VPS13D: variants seen among roughly 807,000 people sequenced by gnomAD.
The protein encoded by VPS13D is intermembrane lipid transfer protein VPS13D.
VPS13D carries 187 observed loss-of-function variants against 461.9 expected under a neutral mutation model. The ratio of observed to expected loss-of-function variants is 0.40; its 90% CI spans 0.36 to 0.46. The LOEUF (loss-of-function observed/expected upper bound fraction) is 0.46, where lower values mean the gene tolerates loss of function less well. Ranked by LOEUF, VPS13D falls within the 20% of genes least tolerant of loss-of-function variation. VPS13D has a pLI of 0.60. For missense variants in VPS13D, 4,711 were observed against 5,364.9 expected, an observed-to-expected ratio of 0.88 and a Z score of 3.81; for synonymous variants, 1,951 against 1,986.3, an observed-to-expected ratio of 0.98 and a Z score of 0.47.
intron 5 of VPS13D, among the ~76,000 whole-genome samples, chr1:12,245,180 A>T (rs78140849): frequency 6.6e-6 from 1 of 152,178 alleles, no homozygotes; most frequent in Non-Finnish European, 1.5e-5. Flanking sequence ...TACTTCAATT[A>T]TACTTTTGTT....
At chr1:12,345,916 C>G (rs1016301720) in intron 43 of VPS13D, among the ~76,000 whole-genome samples, 1 of 152,220 alleles carries the variant, frequency 6.6e-6, no homozygotes, top group African/African-American at 2.4e-5. Context: ...CTCTGTGGCA[C>G]AAAGAGAGAT....
chr1:12,468,880 A>C (rs1436004554), intron 67 of VPS13D, among the ~76,000 whole-genome samples: 1 of 152,080 alleles, frequency 6.6e-6, no homozygotes, highest in Non-Finnish European at 1.5e-5. Flanking sequence ...AAAAATATAC[A>C]AAAATTACCC....
chr1:12,486,798 G>C (rs79155102), intron 67 of VPS13D, among the ~76,000 whole-genome samples: 7 of 152,116 alleles, frequency 4.6e-5, no homozygotes, highest in South Asian at 2.1e-4. Context: ...AGCACGTCTG[G>C]CTCCCCTGCA....
chr1:12,487,240 C>G (rs1396522978), intron 67 of VPS13D, among the ~76,000 whole-genome samples: 2 of 152,200 alleles, frequency 1.3e-5, no homozygotes, highest in Non-Finnish European at 2.9e-5. Flanking sequence ...CCTCCTCACC[C>G]TCCTCCATAG....
At chr1:12,296,161 T>C (rs545553370) in intron 24 of VPS13D, among the ~76,000 whole-genome samples, 2 of 152,348 alleles carry the variant, frequency 1.3e-5, no homozygotes, top group African/African-American at 2.4e-5. Context: ...CTTGAGACTT[T>C]CTCTGATCTC....
chr1:12,283,238 A>G lies in VPS13D; in HGVS notation c.5136A>G (p.Ser1712=). 7 of 1,614,172 alleles carry G rather than the reference A, an allele frequency of 4.3e-6. No homozygotes were observed. The highest frequency in any genetic ancestry group is 5.9e-6 in the Non-Finnish European group (7 of 1,180,024). Residue 1712 remains serine (S), a synonymous_variant, in exon 21 of 70, where the codon TCA becomes TCG. Transcript: ENST00000620676. ...AATACCTTTCTCAGTCTTGCCCCTCAGTGTCCAATGTGGAATATCCTGATA... is the reference window on the plus strand; with the variant it reads ...AATACCTTTCTCAGTCTTGCCCCTCGGTGTCCAATGTGGAATATCCTGATA... The part of the protein sequence containing the change: ...QKEYLSQSCP[S]VSNVEYPDMP...
chr1:12,497,485 C>A lies in VPS13D; in HGVS notation c.12663-15C>A. On this transcript the variant is annotated splice_polypyrimidine_tract_variant and intron_variant, in intron 67 of 69. Transcript: ENST00000620676. ...ACACTTAACCTCTTGGCTTTATGTCCATTTACCCATCTAGGACTCAAGCAC... is the reference window on the plus strand; with the variant it reads ...ACACTTAACCTCTTGGCTTTATGTCAATTTACCCATCTAGGACTCAAGCAC... 1.2e-6 allele frequency: 2 copies of A among 1,606,272 alleles called. No homozygotes were observed. Among genetic ancestry groups the A allele is most frequent in the South Asian group, 2.2e-5 (2 of 90,034 alleles).
At chr1:12,248,131 C>T (rs993452067) in intron 5 of VPS13D, among the ~76,000 whole-genome samples, 6 of 151,908 alleles carry the variant, frequency 3.9e-5, no homozygotes, top group Non-Finnish European at 7.4e-5. Context: ...TCAGGTGATC[C>T]GACTGCCTCG....
At chr1:12,459,893 G>C (rs1353866353) in intron 66 of VPS13D, among the ~76,000 whole-genome samples, 2 of 151,104 alleles carry the variant, frequency 1.3e-5, no homozygotes, top group East Asian at 3.9e-4. Flanking sequence ...TCCGTAGGCT[G>C]CCCAAGCTCT....
chr1:12,499,166 C>T (rs1646001765), intron 68 of VPS13D, among the ~76,000 whole-genome samples: 1 of 152,034 alleles, frequency 6.6e-6, no homozygotes, highest in Non-Finnish European at 1.5e-5. Flanking sequence ...TTTCTCAGGT[C>T]TGGCAGGATG....
intron 10 of VPS13D, among the ~76,000 whole-genome samples, chr1:12,259,394 C>T (rs1401135679): frequency 6.6e-6 from 1 of 151,448 alleles, no homozygotes; most frequent in Non-Finnish European, 1.5e-5. Flanking sequence ...TGGCTCACTG[C>T]AACCTCTGCC....
At chr1:12,241,857 C>G (rs760407950) in intron 2 of VPS13D, among the ~76,000 whole-genome samples, 1 of 152,008 alleles carries the variant, frequency 6.6e-6, no homozygotes, top group Non-Finnish European at 1.5e-5. Flanking sequence ...GTGGAAGGAA[C>G]TTGTTAGAAA....
At chr1:12,238,241 T>A (rs909681585) in intron 2 of VPS13D, among the ~76,000 whole-genome samples, 6 of 99,828 alleles carry the variant, frequency 6.0e-5, no homozygotes, top group Non-Finnish European at 9.2e-5. Flanking sequence ...CCCCAAAAAA[T>A]ATATATATAT....
intron 35 of VPS13D, among the ~76,000 whole-genome samples, chr1:12,326,029 C>T (rs1248784355): frequency 2.0e-4 from 27 of 138,368 alleles, no homozygotes; most frequent in African/African-American, 6.8e-4. Flanking sequence ...GCTCTTGAAT[C>T]GACAAATCTT....
chr1:12,506,573 T>C (rs1374347463), intron 68 of VPS13D, among the ~76,000 whole-genome samples: 1 of 152,264 alleles, frequency 6.6e-6, no homozygotes. Flanking sequence ...CAGTGAACTT[T>C]CTCAGCTGCT....
intron 2 of VPS13D, among the ~76,000 whole-genome samples, chr1:12,241,370 G>C (rs965175111): frequency 3.3e-5 from 5 of 152,206 alleles, no homozygotes; most frequent in Admixed American, 2.0e-4. Context: ...ACTAATTAAT[G>C]GTTGTTGTCT....
At chr1:12,413,429 C>A (rs1220123436) in intron 63 of VPS13D, among the ~76,000 whole-genome samples, 1 of 152,036 alleles carries the variant, frequency 6.6e-6, no homozygotes, top group East Asian at 1.9e-4. Context: ...GCCAAGATCC[C>A]GCCACTGTAC....
At position 12,322,599 on chromosome 1, in the gene VPS13D, G is replaced by A; in HGVS notation, c.7768G>A (p.Ala2590Thr). The A allele has an allele frequency of 6.2e-7, 1 of 1,614,176 alleles. No homozygotes were observed. Among genetic ancestry groups the A allele is most frequent in the Non-Finnish European group, 8.5e-7 (1 of 1,180,036 alleles). ...YNDVQLFLAIAKSIPEQANAA... is the reference protein window; with the variant it reads ...YNDVQLFLAITKSIPEQANAA... ...TGATGTTCAGCTGTTTCTTGCCATT[G>A]CAAAATCCATCCCAGAGCAAGCTAA... Residue 2590 changes from alanine to threonine, a missense_variant, in exon 34 of 70, where the codon GCA becomes ACA. By Grantham distance (58) the Ala-to-Thr change is moderately conservative. Around this residue, in one of 3 missense-constraint regions of VPS13D, gnomAD observed 4,411 missense variants for 4,937.8 expected, o/e 0.89. Coordinates refer to ENST00000620676, the MANE Select transcript of VPS13D (RefSeq NM_015378.4).
chr1:12,249,182 C>A, intron 5 of VPS13D, 41 bp from the exon 6 acceptor site: 1 of 1,455,316 alleles, frequency 6.9e-7, no homozygotes, highest in Non-Finnish European at 9.6e-7. Context: ...GAACACTATT[C>A]TGCAGGTGCA....
Sources: gnomAD v4.1 joint callset for allele counts (sites outside exome capture counted in the v4.1 genomes callset) on GRCh38, gnomAD v4.1.1 for gene constraint, gnomAD v4.1.1 regional missense constraint, MANE v1.5 for transcripts, NCBI Gene and HGNC (gene_info 2026-07-23, HGNC 2026-07-21) for gene names.